The following CNTNAP2 variants were observed in gnomAD, a reference collection of about 807,000 sequenced individuals.
CNTNAP2 encodes the protein contactin-associated protein-like 2.
Under a neutral mutation model 155.2 loss-of-function variants are expected in CNTNAP2, and 98 were observed. That is an observed-to-expected ratio of 0.63 (90% CI 0.54 to 0.75). The LOEUF is 0.75. CNTNAP2 is among the 30% of genes least tolerant of loss of function. The pLI, the probability that CNTNAP2 is intolerant of heterozygous loss-of-function variation, is 0.00. For synonymous variants in CNTNAP2, 651 were observed against 631.2 expected (o/e 1.03, Z -0.47); for missense variants, 1,727 against 1,688.1 (o/e 1.02, Z -0.40).
chr7:148,076,656 C>A lies in CNTNAP2; in HGVS notation c.2384-41462C>A, dbSNP rs528230683. 2.6e-5 allele frequency among the ~76,000 whole-genome samples: 4 copies of A among 151,768 alleles called. No homozygotes were observed. The South Asian group carries it at 8.4e-4, about 32-fold the overall frequency. ...TTCACCGTGTTAGCCAGGATGGTCT[C>A]GATCTCCTGACCTCGTGATCCACCC... On this transcript the variant is annotated intron_variant, in intron 15 of 23. Coordinates refer to ENST00000361727, the MANE Select transcript of CNTNAP2 (RefSeq NM_014141.6).
At chr7:146,600,123 G>A (rs2129151488) in intron 1 of CNTNAP2, among the ~76,000 whole-genome samples, 1 of 151,996 alleles carries the variant, frequency 6.6e-6, no homozygotes, top group East Asian at 1.9e-4. Context: ...TATTTCAGTG[G>A]CTAGCGATCC....
intron 3 of CNTNAP2, among the ~76,000 whole-genome samples, chr7:146,864,556 T>C (rs998079607): frequency 3.3e-5 from 5 of 152,116 alleles, no homozygotes; most frequent in African/African-American, 1.2e-4. Flanking sequence ...TAATATTACA[T>C]TGGAGATTCT....
At chr7:148,153,731 A>G (rs902542891) in intron 17 of CNTNAP2, among the ~76,000 whole-genome samples, 2 of 152,232 alleles carry the variant, frequency 1.3e-5, no homozygotes, top group African/African-American at 2.4e-5. Context: ...AGCTGATAGC[A>G]GCGGCAGGAG....
At chr7:146,615,964 C>G (rs866448036) in intron 1 of CNTNAP2, among the ~76,000 whole-genome samples, 1 of 152,188 alleles carries the variant, frequency 6.6e-6, no homozygotes, top group African/African-American at 2.4e-5. Context: ...TGCTCAAGTT[C>G]TTCTGGGAGA....
intron 1 of CNTNAP2, among the ~76,000 whole-genome samples, chr7:146,222,506 C>T (rs1253805429): frequency 1.3e-5 from 2 of 150,926 alleles, no homozygotes; most frequent in Non-Finnish European, 2.9e-5. Context: ...TGAAATTTCC[C>T]TAAACATTCA....
chr7:148,265,202 A>C (rs886947413), intron 20 of CNTNAP2, among the ~76,000 whole-genome samples: 4 of 152,206 alleles, frequency 2.6e-5, no homozygotes, highest in African/African-American at 9.7e-5. Flanking sequence ...GAAACTGAAG[A>C]GCTTTTGCTC....
chr7:148,266,977 G>A, intron 20 of CNTNAP2, 56 bp from the exon 21 acceptor site: 1 of 1,520,318 alleles, frequency 6.6e-7, no homozygotes, highest in Non-Finnish European at 9.1e-7. Flanking sequence ...GGAAGATTTG[G>A]TTCCACACAG....
intron 1 of CNTNAP2, among the ~76,000 whole-genome samples, chr7:146,601,809 G>T (rs1466145743): frequency 2.0e-5 from 3 of 151,850 alleles, no homozygotes; most frequent in Non-Finnish European, 4.4e-5. Flanking sequence ...CATAGGAAAT[G>T]GTATGAATGC....
chr7:146,544,500 G>C (rs186119195), intron 1 of CNTNAP2, among the ~76,000 whole-genome samples: 1 of 152,008 alleles, frequency 6.6e-6, no homozygotes, highest in Admixed American at 6.6e-5. Context: ...ATTTTGATTG[G>C]AAATCTAACA....
At chr7:147,553,174 T>C (rs78605786) in intron 11 of CNTNAP2, among the ~76,000 whole-genome samples, 1,626 of 152,134 alleles carry the variant, frequency 0.011, 26 homozygotes, top group African/African-American at 0.037. Flanking sequence ...AAGCAGGAGT[T>C]CCCCTAGATT....
At chr7:146,306,851 A>G (rs1298959846) in intron 1 of CNTNAP2, among the ~76,000 whole-genome samples, 1 of 152,192 alleles carries the variant, frequency 6.6e-6, no homozygotes, top group Non-Finnish European at 1.5e-5. Context: ...AGAGCTATTT[A>G]TGACAAACCC....
At chr7:147,536,748 A>G (rs529701417) in intron 11 of CNTNAP2, among the ~76,000 whole-genome samples, 7 of 152,274 alleles carry the variant, frequency 4.6e-5, no homozygotes, top group African/African-American at 1.7e-4. Flanking sequence ...CTGCCATCAG[A>G]CTAAAATTTT....
intron 13 of CNTNAP2, among the ~76,000 whole-genome samples, chr7:147,741,503 G>A (rs1203228495): frequency 1.3e-5 from 2 of 152,194 alleles, no homozygotes; most frequent in Admixed American, 6.5e-5. Context: ...TGTGAAAAAT[G>A]TTAAGTTTCT....
At chr7:147,925,606 A>G (rs1470114057) in intron 14 of CNTNAP2, among the ~76,000 whole-genome samples, 4 of 151,786 alleles carry the variant, frequency 2.6e-5, no homozygotes. Context: ...AGCTGGGACT[A>G]CAGGCGCCCG....
intron 3 of CNTNAP2, among the ~76,000 whole-genome samples, chr7:146,901,801 A>C (rs1796007547): frequency 6.6e-6 from 1 of 151,502 alleles, no homozygotes; most frequent in South Asian, 2.1e-4. Context: ...TACTTTTACT[A>C]ATGTGAACTT....
At chr7:148,177,239 G>A (rs960257) in intron 18 of CNTNAP2, among the ~76,000 whole-genome samples, 1 of 151,992 alleles carries the variant, frequency 6.6e-6, no homozygotes, top group Non-Finnish European at 1.5e-5. Context: ...TGTGATTATG[G>A]TAAGTTGAGG....
At chr7:147,293,879 G>A (rs1225725900) in intron 8 of CNTNAP2, among the ~76,000 whole-genome samples, 1 of 152,114 alleles carries the variant, frequency 6.6e-6, no homozygotes, top group Non-Finnish European at 1.5e-5. Context: ...AGGTGTTAGA[G>A]AAAATATTAT....
chr7:146,426,690 A>G (rs910414950), intron 1 of CNTNAP2, among the ~76,000 whole-genome samples: 1 of 151,416 alleles, frequency 6.6e-6, no homozygotes, highest in African/African-American at 2.4e-5. Context: ...TAGTTGCCAG[A>G]GGCTGGGGAG....
intron 2 of CNTNAP2, among the ~76,000 whole-genome samples, chr7:146,806,501 AAAAAAG>A (rs1418237845): frequency 7.2e-5 from 11 of 152,048 alleles, no homozygotes; most frequent in Non-Finnish European, 1.5e-4. Context: ...CATCAAAAAA[AAAAAAG>A]AAAGAAAGAA....
Sources: gnomAD v4.1 joint callset for allele counts (sites outside exome capture counted in the v4.1 genomes callset) on GRCh38, gnomAD v4.1.1 for gene constraint, MANE v1.5 for transcripts, NCBI Gene and HGNC (gene_info 2026-07-23, HGNC 2026-07-21) for gene names.